Variants in SLC7A14 observed in about 807,000 individuals in gnomAD.
SLC7A14 encodes the protein solute carrier family 7 member 14.
In SLC7A14, 37 loss-of-function variants were observed where a neutral mutation model predicts 60.2. That is an observed-to-expected ratio of 0.61 (90% CI 0.47 to 0.81). The LOEUF (loss-of-function observed/expected upper bound fraction) is 0.81. SLC7A14 is among the 30% of genes least tolerant of loss of function. SLC7A14 has a pLI of 0.00. For missense variants in SLC7A14, 886 were observed against 982.7 expected (o/e 0.90, Z 1.32); for synonymous variants, 399 against 395.8 (o/e 1.01, Z -0.10).
chr3:170,505,002 T>A (rs1173938808), intron 2 of SLC7A14, among the ~76,000 whole-genome samples: 1 of 152,244 alleles, frequency 6.6e-6, no homozygotes, highest in Non-Finnish European at 1.5e-5. Context: ...TTGTATCATA[T>A]ATGACTGCTG....
At chr3:170,549,213 TC>T (rs1714266228) in intron 1 of SLC7A14, among the ~76,000 whole-genome samples, 1 of 119,760 alleles carries the variant, frequency 8.4e-6, no homozygotes, top group African/African-American at 3.7e-5. Flanking sequence ...CCGGCCTTCT[TC>T]TTTTTTTTTT....
chr3:170,531,329 T>C (rs1226068390), intron 1 of SLC7A14, among the ~76,000 whole-genome samples: 1 of 152,008 alleles, frequency 6.6e-6, no homozygotes, highest in Non-Finnish European at 1.5e-5. Flanking sequence ...TCTGGAGATA[T>C]CTCCTGGGCT....
chr3:170,521,613 T>C, intron 2 of SLC7A14, among the ~76,000 whole-genome samples: 1 of 152,038 alleles, frequency 6.6e-6, no homozygotes, highest in Non-Finnish European at 1.5e-5. Context: ...AATAAGAAAA[T>C]AAAGAACCTA....
intron 7 of SLC7A14, among the ~76,000 whole-genome samples, chr3:170,473,983 A>G (rs1046844615): frequency 6.6e-6 from 1 of 152,204 alleles, no homozygotes; most frequent in Non-Finnish European, 1.5e-5. Flanking sequence ...ATTCTAACTC[A>G]ACAGAAACCC....
intron 5 of SLC7A14, 99 bp downstream of exon 5, chr3:170,486,123 C>T: frequency 6.9e-7 from 1 of 1,458,972 alleles, no homozygotes; most frequent in South Asian, 1.3e-5. Context: ...AAAAGACAGA[C>T]ACCAAGAAGA....
At chr3:170,548,339 G>C (rs567665354) in intron 1 of SLC7A14, among the ~76,000 whole-genome samples, 5 of 152,190 alleles carry the variant, frequency 3.3e-5, no homozygotes, top group Admixed American at 3.3e-4. Flanking sequence ...GGAGCCTGTG[G>C]CTTAAATAAA....
At chr3:170,575,831 C>T (rs1050027294) in intron 1 of SLC7A14, among the ~76,000 whole-genome samples, 4 of 152,180 alleles carry the variant, frequency 2.6e-5, no homozygotes, top group Admixed American at 2.6e-4. Flanking sequence ...AGATTGGACT[C>T]CATGAGCCCT....
chr3:170,525,999 C>T (rs552980291), intron 2 of SLC7A14, among the ~76,000 whole-genome samples: 2 of 151,856 alleles, frequency 1.3e-5, no homozygotes, highest in Non-Finnish European at 2.9e-5. Flanking sequence ...AGCGCTTGAA[C>T]CCGGGAGGTG....
chr3:170,577,624 C>CAAAAA (rs56357954), intron 1 of SLC7A14, among the ~76,000 whole-genome samples: 11 of 52,020 alleles, frequency 2.1e-4, no homozygotes, highest in Non-Finnish European at 3.9e-4. Context: ...GACTCCGTCT[C>CAAAAA]AAAAAAAAAA....
chr3:170,544,159 T>C (rs1196037715), intron 1 of SLC7A14, among the ~76,000 whole-genome samples: 1 of 152,120 alleles, frequency 6.6e-6, no homozygotes, highest in African/African-American at 2.4e-5. Context: ...TGAGAGTTGG[T>C]AGATCCTCCC....
intron 4 of SLC7A14, chr3:170,496,534 C>T (rs1203910057): frequency 6.3e-6 from 10 of 1,579,600 alleles, no homozygotes; most frequent in South Asian, 1.1e-5. Flanking sequence ...CAGGACATGG[C>T]GCAGCAGCTG....
intron 1 of SLC7A14, among the ~76,000 whole-genome samples, chr3:170,569,655 T>G (rs1714889346): frequency 6.6e-6 from 1 of 152,154 alleles, no homozygotes; most frequent in Non-Finnish European, 1.5e-5. Flanking sequence ...TCTTTTTGGT[T>G]GGTAAGCTAT....
chr3:170,529,204 T>G (rs1205959451), intron 1 of SLC7A14, among the ~76,000 whole-genome samples: 1 of 152,224 alleles, frequency 6.6e-6, no homozygotes, highest in Non-Finnish European at 1.5e-5. Context: ...ACAACTTGAT[T>G]TATATTCTTT....
At chr3:170,517,631 C>G (rs991361560) in intron 2 of SLC7A14, among the ~76,000 whole-genome samples, 2 of 152,112 alleles carry the variant, frequency 1.3e-5, no homozygotes, top group Non-Finnish European at 2.9e-5. Context: ...AACTCAAACC[C>G]AAGATGAATA....
chr3:170,573,421 C>A (rs190669828), intron 1 of SLC7A14, among the ~76,000 whole-genome samples: 1 of 152,172 alleles, frequency 6.6e-6, no homozygotes, highest in Non-Finnish European at 1.5e-5. Context: ...GCAGACTAAT[C>A]GTAATGGATC....
At chr3:170,504,945 T>A (rs1712727208) in intron 2 of SLC7A14, among the ~76,000 whole-genome samples, 2 of 152,234 alleles carry the variant, frequency 1.3e-5, no homozygotes, top group African/African-American at 4.8e-5. Flanking sequence ...GGACCTGGGC[T>A]GTTTATCATT....
At position 170,466,872 on chromosome 3, in the gene SLC7A14, T is replaced by C. The variant is rs547693295; in HGVS notation, c.*183A>G. 2.6e-5 allele frequency: 15 copies of C among 576,108 alleles called. No homozygotes were observed. In the South Asian group the frequency reaches 3.6e-4, roughly 14 times the overall value. The allele number at this position is 576,108 out of a possible 1,614,324, so 35.7% of individuals were successfully genotyped here. ...AAGGCGACCAGTTAGGGGACCCAGG[T>C]TAAGCCCTTCAACAGAACTATCCTG... On this transcript the variant is annotated 3_prime_UTR_variant, in exon 8 of 8. Transcript: ENST00000231706.
At position 170,521,311 on chromosome 3, in the gene SLC7A14, G is replaced by A. The variant is rs1713333373; in HGVS notation, c.304+5322C>T. On this transcript the variant is annotated intron_variant, in intron 2 of 7. Transcript: ENST00000231706. ...GTTATAAGCTGGTTTGCATAGCATGGGGAATGGTGCGGCAAGGCCAAAAAC... is the reference window on the plus strand; with the variant it reads ...GTTATAAGCTGGTTTGCATAGCATGAGGAATGGTGCGGCAAGGCCAAAAAC... 2.0e-5 allele frequency among the ~76,000 whole-genome samples: 3 copies of A among 152,218 alleles called. No individual in the cohort carries two copies. In the South Asian group the frequency reaches 6.2e-4, roughly 32 times the overall value.
intron 1 of SLC7A14, among the ~76,000 whole-genome samples, chr3:170,582,162 C>G (rs1715254085): frequency 6.6e-6 from 1 of 152,142 alleles, no homozygotes; most frequent in Non-Finnish European, 1.5e-5. Flanking sequence ...CTTTGGGCTA[C>G]TGGTGATGTA....
Sources: gnomAD v4.1 joint callset for allele counts (sites outside exome capture counted in the v4.1 genomes callset) on GRCh38, gnomAD v4.1.1 for gene constraint, MANE v1.5 for transcripts, NCBI Gene and HGNC (gene_info 2026-07-23, HGNC 2026-07-21) for gene names.